Variants in GRID2 observed in about 807,000 individuals in gnomAD.
The protein encoded by GRID2 is glutamate ionotropic receptor delta type subunit 2, also known as glutamate receptor ionotropic, delta-2.
In GRID2, 33 loss-of-function variants were observed where a neutral mutation model predicts 114.8. The ratio of observed to expected loss-of-function variants is 0.29; its 90% CI spans 0.22 to 0.38. The LOEUF is 0.38. GRID2 is among the 10% of genes least tolerant of loss of function. The pLI is 1.00. For missense variants in GRID2, 1,184 were observed against 1,257.7 expected (o/e 0.94, Z 0.89); for synonymous variants, 505 against 449.9 (o/e 1.12, Z -1.55).
At chr4:92,745,130 T>G (rs1056389566) in intron 2 of GRID2, among the ~76,000 whole-genome samples, 3 of 152,194 alleles carry the variant, frequency 2.0e-5, no homozygotes, top group Non-Finnish European at 4.4e-5. Context: ...GAGTGGAAAC[T>G]TGTAGTGTCC....
chr4:92,676,096 G>GTT (rs71853421), intron 2 of GRID2, among the ~76,000 whole-genome samples: 1 of 137,338 alleles, frequency 7.3e-6, no homozygotes, highest in East Asian at 2.2e-4. Flanking sequence ...TTTTAAAATA[G>GTT]TTTTTTGTTT....
chr4:93,061,205 T>TTG (rs1727776193), intron 2 of GRID2, among the ~76,000 whole-genome samples: 2 of 150,974 alleles, frequency 1.3e-5, no homozygotes, highest in Non-Finnish European at 2.9e-5. Context: ...TGTTTTTTTT[T>TTG]TTTTTTTAAT....
intron 10 of GRID2, among the ~76,000 whole-genome samples, chr4:93,436,291 C>A (rs1217914043): frequency 6.6e-6 from 1 of 152,114 alleles, no homozygotes; most frequent in Non-Finnish European, 1.5e-5. Flanking sequence ...GCTTAGATTT[C>A]ATCCTCTTAT....
chr4:92,452,850 A>G (rs71616373), intron 1 of GRID2, among the ~76,000 whole-genome samples: 1 of 132,538 alleles, frequency 7.5e-6, no homozygotes, highest in Non-Finnish European at 1.7e-5. Flanking sequence ...CCATATATAT[A>G]TATTTACCAT....
At chr4:93,210,590 C>T (rs1331422608) in intron 5 of GRID2, among the ~76,000 whole-genome samples, 1 of 151,960 alleles carries the variant, frequency 6.6e-6, no homozygotes, top group African/African-American at 2.4e-5. Flanking sequence ...GATACATTTT[C>T]ACTTAGAATT....
intron 6 of GRID2, among the ~76,000 whole-genome samples, chr4:93,223,813 T>C (rs540418431): frequency 1.3e-5 from 2 of 152,278 alleles, no homozygotes; most frequent in South Asian, 2.1e-4. Context: ...CCTTTGGTGA[T>C]TAATTGACAG....
chr4:92,501,325 A>G (rs762821927), intron 1 of GRID2, among the ~76,000 whole-genome samples: 3 of 152,296 alleles, frequency 2.0e-5, no homozygotes, highest in Admixed American at 6.5e-5. Context: ...CAGCAATTCA[A>G]TTCCACATTC....
chr4:92,383,102 A>G (rs565522759), intron 1 of GRID2, among the ~76,000 whole-genome samples: 1 of 151,994 alleles, frequency 6.6e-6, no homozygotes, highest in South Asian at 2.1e-4. Context: ...GTTTTAAAAC[A>G]ATCACTATCT....
intron 2 of GRID2, among the ~76,000 whole-genome samples, chr4:92,762,582 T>A (rs1181381123): frequency 6.6e-6 from 1 of 152,162 alleles, no homozygotes; most frequent in Non-Finnish European, 1.5e-5. Flanking sequence ...TCAGAAGGAA[T>A]GAAATATGAT....
intron 1 of GRID2, among the ~76,000 whole-genome samples, chr4:92,404,963 G>A (rs966245573): frequency 1.3e-5 from 2 of 152,038 alleles, no homozygotes; most frequent in Non-Finnish European, 2.9e-5. Context: ...TAGGTGCAGC[G>A]TACCACCATG....
chr4:93,339,521 G>T (rs139625652), intron 8 of GRID2, among the ~76,000 whole-genome samples: 45 of 152,260 alleles, frequency 3.0e-4, no homozygotes, highest in African/African-American at 1.0e-3. Context: ...GTTTCAGAGG[G>T]AATATGGCCC....
chr4:93,268,264 T>C (rs1319068862), intron 8 of GRID2, among the ~76,000 whole-genome samples: 1 of 152,114 alleles, frequency 6.6e-6, no homozygotes, highest in South Asian at 2.1e-4. Flanking sequence ...GGAAAAACAC[T>C]CAAGAAAGAG....
At chr4:93,348,990 T>A (rs2149257841) in intron 8 of GRID2, among the ~76,000 whole-genome samples, 1 of 152,270 alleles carries the variant, frequency 6.6e-6, no homozygotes. Context: ...TTAGCTTGGA[T>A]ATTCTTCTCT....
At chr4:93,143,798 C>T (rs1735964981) in intron 4 of GRID2, among the ~76,000 whole-genome samples, 1 of 152,104 alleles carries the variant, frequency 6.6e-6, no homozygotes, top group East Asian at 1.9e-4. Context: ...AACATCTAAA[C>T]ACAACATAGA....
chr4:92,534,099 G>GT (rs1005577654), intron 1 of GRID2, among the ~76,000 whole-genome samples: 3 of 151,992 alleles, frequency 2.0e-5, no homozygotes, highest in African/African-American at 7.2e-5. Context: ...TCTTTTTGAA[G>GT]TAACTCTTCA....
intron 2 of GRID2, among the ~76,000 whole-genome samples, chr4:92,988,281 G>C (rs188437973): frequency 6.8e-4 from 104 of 152,204 alleles, no homozygotes; most frequent in Non-Finnish European, 1.2e-3. Context: ...CAGGTGGTAG[G>C]CAGGGTTTTG....
chr4:92,991,337 T>C (rs1315850109), intron 2 of GRID2, among the ~76,000 whole-genome samples: 1 of 152,212 alleles, frequency 6.6e-6, no homozygotes, highest in Non-Finnish European at 1.5e-5. Context: ...AAAAAATTAC[T>C]GTAGTCTTTG....
intron 2 of GRID2, among the ~76,000 whole-genome samples, chr4:92,897,666 A>T (rs1188928220): frequency 6.6e-6 from 1 of 152,186 alleles, no homozygotes; most frequent in African/African-American, 2.4e-5. Context: ...AAGTCATTCA[A>T]GTGTGTAACT....
At chr4:92,480,459 G>A (rs1397657073) in intron 1 of GRID2, among the ~76,000 whole-genome samples, 1 of 152,104 alleles carries the variant, frequency 6.6e-6, no homozygotes, top group Non-Finnish European at 1.5e-5. Context: ...AAATTATGAA[G>A]TGATTTCTCT....
Sources: gnomAD v4.1 joint callset for allele counts (sites outside exome capture counted in the v4.1 genomes callset) on GRCh38, gnomAD v4.1.1 for gene constraint, MANE v1.5 for transcripts, NCBI Gene and HGNC (gene_info 2026-07-23, HGNC 2026-07-21) for gene names.